BIRC6: variants seen among roughly 807,000 people sequenced by gnomAD.
The protein encoded by BIRC6 is baculoviral IAP repeat containing 6, also known as dual E2 ubiquitin-conjugating enzyme/E3 ubiquitin-protein ligase BIRC6.
BIRC6 carries 98 observed loss-of-function variants against 503.3 expected under a neutral mutation model. That is an observed-to-expected ratio of 0.19 (90% confidence interval 0.17 to 0.23). The LOEUF (loss-of-function observed/expected upper bound fraction) is 0.23, where lower values mean the gene tolerates loss of function less well. BIRC6 is among the 10% of genes least tolerant of loss of function. The pLI is 1.00. For synonymous variants in BIRC6, 2,240 were observed against 2,078.7 expected, an observed-to-expected ratio of 1.08 and a Z score of -2.11; for missense variants, 5,360 against 5,806.0, an observed-to-expected ratio of 0.92 and a Z score of 2.50.
chr2:32,427,288 TA>T (rs1239061669), intron 10 of BIRC6, among the ~76,000 whole-genome samples: 2 of 147,114 alleles, frequency 1.4e-5, no homozygotes, highest in African/African-American at 4.9e-5. Context: ...TATTTTATTT[TA>T]TTTTTTTTTT....
intron 10 of BIRC6, 84 bp from the exon 11 acceptor site, chr2:32,429,062 C>A: frequency 8.7e-7 from 1 of 1,146,472 alleles, no homozygotes; most frequent in Non-Finnish European, 1.2e-6. Context: ...AAGTGACATT[C>A]AGTTGTTTCC....
Position 32,513,103 on chromosome 2 carries a change from A to T in BIRC6, c.10517A>T (p.Glu3506Val), listed in dbSNP as rs1349593016. Reference protein sequence around the residue: ...CVAAILWHSYELLVEYDLPAL... With the variant: ...CVAAILWHSYVLLVEYDLPAL... Reference sequence around the variant, plus strand: ...GCAGCCATTCTGTGGCATAGTTATGAGCTGCTTGTAGAATATGACTTACCA... The same window carrying T: ...GCAGCCATTCTGTGGCATAGTTATGTGCTGCTTGTAGAATATGACTTACCA... Residue 3506 changes from glutamate to valine, a missense_variant, in exon 54 of 74, where the codon GAG (glutamate) becomes GTG (valine). Around this residue, in one of 16 missense-constraint regions of BIRC6, gnomAD observed 878 missense variants for 928.9 expected, o/e 0.95. Transcript: ENST00000421745. 1 of 1,613,890 alleles carries T rather than the reference A, an allele frequency of 6.2e-7. No homozygotes were observed. The highest frequency in any genetic ancestry group is 8.5e-7 in the Non-Finnish European group (1 of 1,179,842).
Position 32,549,424 on chromosome 2 carries a change from C to T in BIRC6, c.13087C>T (p.Leu4363Phe). ...TGCCCTTCCTTCTGTACTTCTCGAGCTTCTCAGTCAGTCCTGCCTCATCCC... is the reference window on the plus strand; with the variant it reads ...TGCCCTTCCTTCTGTACTTCTCGAGTTTCTCAGTCAGTCCTGCCTCATCCC... Reference protein sequence around the residue: ...SNALPSVLLELLSQSCLIPAM... With the variant: ...SNALPSVLLEFLSQSCLIPAM... The change falls in exon 65 of 74, where the codon CTT becomes TTT. Residue 4363 changes from leucine to phenylalanine, a missense_variant. By Grantham distance (22) the Leu-to-Phe change is conservative. Around this residue, in one of 16 missense-constraint regions of BIRC6, gnomAD observed 477 missense variants for 574.4 expected, o/e 0.83. Coordinates refer to ENST00000421745, the MANE Select transcript of BIRC6 (RefSeq NM_016252.4). 1 of 1,506,396 alleles carries T rather than the reference C, an allele frequency of 6.6e-7. No individual in the cohort carries two copies. The highest frequency in any genetic ancestry group is 9.0e-7 in the Non-Finnish European group (1 of 1,106,688). 93.3% of individuals were successfully genotyped at this position (1,506,396 alleles called of 1,614,324 possible). A position where few individuals can be genotyped will look rare whatever the true frequency, so the allele number is the denominator to read the frequency against.
chr2:32,372,702 C>T (rs1031655277), intron 1 of BIRC6, among the ~76,000 whole-genome samples: 3 of 151,936 alleles, frequency 2.0e-5, no homozygotes, highest in East Asian at 3.9e-4. Flanking sequence ...TCATGGTGTG[C>T]GCCTGTAGTC....
At chr2:32,561,600 C>T (rs1038704796) in intron 65 of BIRC6, among the ~76,000 whole-genome samples, 3 of 151,196 alleles carry the variant, frequency 2.0e-5, no homozygotes, top group Admixed American at 6.6e-5. Flanking sequence ...CGTTCGATTT[C>T]ATTTTATTTT....
intron 9 of BIRC6, 81 bp downstream of exon 9, chr2:32,406,638 A>G (rs2041250586): frequency 5.2e-6 from 5 of 960,372 alleles, no homozygotes; most frequent in Admixed American, 2.4e-5. Context: ...TTAATTCTGA[A>G]TTTCTTAGTT....
intron 69 of BIRC6, among the ~76,000 whole-genome samples, chr2:32,598,473 GT>G (rs959783666): frequency 3.3e-4 from 50 of 151,618 alleles, no homozygotes; most frequent in African/African-American, 1.0e-3. Context: ...GGAAATTTAT[GT>G]TTTTTTTAAA....
chr2:32,510,761 C>A, intron 53 of BIRC6, 127 bp downstream of exon 53: 3 of 634,900 alleles, frequency 4.7e-6, no homozygotes, highest in Non-Finnish European at 8.2e-6. Flanking sequence ...GTATGTTTAC[C>A]ATATGCCTCA....
rs761143186 is a variant in BIRC6 at position 32,525,461 on chromosome 2, T to C, written c.11756-3T>C. 1 of 1,613,966 alleles carries C rather than the reference T, an allele frequency of 6.2e-7. No individual in the cohort carries two copies. Among genetic ancestry groups the C allele is most frequent in the East Asian group, 2.2e-5 (1 of 44,878 alleles). On this transcript the variant is annotated splice_polypyrimidine_tract_variant and splice_region_variant and intron_variant, in intron 58 of 73. Coordinates refer to ENST00000421745, the MANE Select transcript of BIRC6 (RefSeq NM_016252.4). ...TAGAATCTTACTGATCCTTTTCTTT[T>C]AGGGCTGAAGTCTCAATCTAAACGT...
At chr2:32,612,912 C>T (rs2062978005) in intron 73 of BIRC6, among the ~76,000 whole-genome samples, 1 of 152,224 alleles carries the variant, frequency 6.6e-6, no homozygotes, top group African/African-American at 2.4e-5. Context: ...CTTTCACCGT[C>T]AGACTATAGC....
chr2:32,557,675 C>T (rs1305715780), intron 65 of BIRC6: 2 of 152,168 alleles, frequency 1.3e-5, no homozygotes, highest in Non-Finnish European at 2.9e-5. Flanking sequence ...CAGGTTTTGC[C>T]CTGAATGCAG....
At chr2:32,534,708 G>T (rs1286372995) in intron 61 of BIRC6, among the ~76,000 whole-genome samples, 11 of 129,116 alleles carry the variant, frequency 8.5e-5, no homozygotes, top group African/African-American at 3.3e-4. Flanking sequence ...TCCAGCCTGG[G>T]TGACAGAGCA....
chr2:32,451,541 T>A (rs1052892990), intron 22 of BIRC6, among the ~76,000 whole-genome samples: 1 of 152,198 alleles, frequency 6.6e-6, no homozygotes, highest in Admixed American at 6.5e-5. Context: ...CAGTAAAAAT[T>A]ATTAATTTTA....
At chr2:32,514,010 T>TGA (rs3044893) in intron 54 of BIRC6, among the ~76,000 whole-genome samples, 152,278 of 152,280 alleles carry the variant, frequency 1, 76,138 homozygotes, top group Non-Finnish European at 1. Context: ...AAGTTCGCCA[T>TGA]GCTGCCTCAC....
intron 50 of BIRC6, among the ~76,000 whole-genome samples, chr2:32,505,735 G>T (rs2053722567): frequency 6.6e-6 from 1 of 152,098 alleles, no homozygotes; most frequent in Non-Finnish European, 1.5e-5. Context: ...TTTGTTGCAT[G>T]TTCATTGAAT....
chr2:32,549,153 C>T (rs1375171907), intron 64 of BIRC6, 160 bp from the exon 65 acceptor site: 5 of 491,278 alleles, frequency 1.0e-5, no homozygotes, highest in Non-Finnish European at 1.7e-5. Context: ...AGATCCTTCT[C>T]TTTTGAAAAT....
At position 32,599,800 on chromosome 2, in the gene BIRC6, A is replaced by G; in HGVS notation, c.13892A>G (p.Tyr4631Cys). ...YANGCFEFDV[Y>C]FPQDYPSSPP... ...AATGGCTGCTTTGAGTTTGATGTGT[A>G]TTTTCCTCAAGATTATCCCAGTTCA... Residue 4631 changes from tyrosine to cysteine, a missense_variant, in exon 70 of 74, where the codon TAT becomes TGT. By Grantham distance (194) the Tyr-to-Cys change is radical (BLOSUM62 -2). Around this residue, in one of 16 missense-constraint regions of BIRC6, gnomAD observed 66 missense variants for 113.2 expected, o/e 0.58. Coordinates refer to ENST00000421745, the MANE Select transcript of BIRC6 (RefSeq NM_016252.4). 6.2e-7 allele frequency: 1 copy of G among 1,613,736 alleles called. No individual in the cohort carries two copies. Among genetic ancestry groups the G allele is most frequent in the Non-Finnish European group, 8.5e-7 (1 of 1,179,776 alleles).
chr2:32,504,753 A>C (rs2053613209), intron 49 of BIRC6, among the ~76,000 whole-genome samples: 1 of 152,148 alleles, frequency 6.6e-6, no homozygotes. Context: ...CTGTGTCTTT[A>C]GTTTTCGTGT....
At chr2:32,554,349 A>G (rs2058638137) in intron 65 of BIRC6, among the ~76,000 whole-genome samples, 1 of 152,212 alleles carries the variant, frequency 6.6e-6, no homozygotes, top group Non-Finnish European at 1.5e-5. Flanking sequence ...CAATTCACAG[A>G]TTAGAAAAGA....
Sources: allele counts gnomAD v4.1 joint callset (sites outside exome capture counted in the v4.1 genomes callset), GRCh38; gene constraint gnomAD v4.1.1; regional missense constraint gnomAD v4.1.1; transcripts MANE v1.5; gene names NCBI Gene and HGNC (gene_info 2026-07-23, HGNC 2026-07-21).